The following CCSER2 variants were observed in gnomAD, a reference collection of about 807,000 sequenced individuals.
CCSER2 encodes serine-rich coiled-coil domain-containing protein 2.
Under a neutral mutation model 92.3 loss-of-function variants are expected in CCSER2, and 46 were observed. That is an observed-to-expected ratio of 0.50 (90% CI 0.39 to 0.64). The LOEUF (loss-of-function observed/expected upper bound fraction) is 0.64. Among genes scored for constraint, CCSER2 ranks in the 30% least tolerant of loss-of-function variants. The pLI is 0.00. For missense variants in CCSER2, 1,244 were observed against 1,238.9 expected (o/e 1.00, Z -0.06); for synonymous variants, 433 against 431.4 (o/e 1.00, Z -0.04).
At chr10:84,359,305 G>T (rs190866945) in intron 1 of CCSER2, among the ~76,000 whole-genome samples, 4 of 152,236 alleles carry the variant, frequency 2.6e-5, no homozygotes, top group African/African-American at 9.6e-5. Context: ...CATTGTATCT[G>T]GGGGAAACAG....
chr10:84,442,782 C>G (rs1469377668), intron 6 of CCSER2, among the ~76,000 whole-genome samples: 1 of 152,100 alleles, frequency 6.6e-6, no homozygotes, highest in East Asian at 1.9e-4. Flanking sequence ...GTGCTGGTAC[C>G]AAAACAGATA....
chr10:84,342,063 TC>T (rs1428029510), intron 1 of CCSER2, among the ~76,000 whole-genome samples: 5 of 150,974 alleles, frequency 3.3e-5, no homozygotes, highest in South Asian at 2.1e-4. Context: ...TCAGTCCCCT[TC>T]CCCCCCCTGG....
rs1849554405 is a variant in CCSER2, at chr10:84,515,147, C to A, written c.*880C>A. 1.3e-5 allele frequency: 2 copies of A among 152,442 alleles called. No homozygotes were observed. The highest frequency in any genetic ancestry group is 4.8e-5 in the African/African-American group (2 of 41,352). The allele number at this position is 152,442 out of a possible 1,614,324, so 9.4% of individuals were successfully genotyped here. A position where few individuals can be genotyped will look rare whatever the true frequency, so the allele number is the denominator to read the frequency against. On this transcript the variant is annotated 3_prime_UTR_variant, in exon 10 of 10. Transcript: ENST00000372088. ...CCTTAGGCTTGTGGATCCATGATAG[C>A]CATTTTAAGGTTCCACAGCATTATG...
rs559576685 is a variant in CCSER2 at position 84,407,384 on chromosome 10, C to T, written c.1615-10387C>T. ...TATTTACTTGTTTAATCTTTTCCAGCTTTATTTAGGTTGGCCTTCCTTTTT... is the reference window on the plus strand; with the variant it reads ...TATTTACTTGTTTAATCTTTTCCAGTTTTATTTAGGTTGGCCTTCCTTTTT... On this transcript the variant is annotated intron_variant, in intron 3 of 9. Coordinates refer to ENST00000372088, the MANE Select transcript of CCSER2 (RefSeq NM_001284240.2). Among the ~76,000 whole-genome samples the T allele has an allele frequency of 8.5e-5, 13 of 152,112 alleles. No individual in the cohort carries two copies. The South Asian group carries it at 2.5e-3, about 29-fold the overall frequency.
At chr10:84,383,241 T>C (rs1158660694) in intron 3 of CCSER2, among the ~76,000 whole-genome samples, 1 of 152,202 alleles carries the variant, frequency 6.6e-6, no homozygotes, top group Non-Finnish European at 1.5e-5. Context: ...TTTGTATCTG[T>C]GACATTTTAC....
intron 1 of CCSER2, among the ~76,000 whole-genome samples, chr10:84,331,462 A>G (rs1343057126): frequency 1.3e-5 from 2 of 152,230 alleles, no homozygotes; most frequent in Non-Finnish European, 2.9e-5. Flanking sequence ...ATGCCCCATA[A>G]CAAGTGGCTT....
At chr10:84,469,896 A>G (rs1846673940) in intron 7 of CCSER2, among the ~76,000 whole-genome samples, 1 of 151,958 alleles carries the variant, frequency 6.6e-6, no homozygotes, top group Admixed American at 6.6e-5. Flanking sequence ...CCAGCCATGA[A>G]ATGCCTCTGT....
intron 3 of CCSER2, among the ~76,000 whole-genome samples, chr10:84,401,025 A>G (rs1842091188): frequency 6.6e-6 from 1 of 152,178 alleles, no homozygotes; most frequent in Admixed American, 6.5e-5. Context: ...GAGAATGAAA[A>G]TATATTTTAT....
At chr10:84,398,210 C>T (rs576135727) in intron 3 of CCSER2, among the ~76,000 whole-genome samples, 26 of 152,288 alleles carry the variant, frequency 1.7e-4, no homozygotes, top group Admixed American at 4.6e-4. Flanking sequence ...CTTCCTCTGT[C>T]TTCAAACCGA....
At chr10:84,339,178 T>G (rs969698465) in intron 1 of CCSER2, among the ~76,000 whole-genome samples, 3 of 151,612 alleles carry the variant, frequency 2.0e-5, no homozygotes, top group Non-Finnish European at 4.4e-5. Flanking sequence ...TTAGGGGATC[T>G]GGAGTGCTCC....
At chr10:84,368,653 T>A (rs1845907897) in intron 1 of CCSER2, among the ~76,000 whole-genome samples, 2 of 152,176 alleles carry the variant, frequency 1.3e-5, no homozygotes, top group African/African-American at 4.8e-5. Context: ...CATGTATTTT[T>A]TTAAAAAAAT....
chr10:84,437,472 C>T (rs1396081713), intron 5 of CCSER2, among the ~76,000 whole-genome samples: 1 of 151,772 alleles, frequency 6.6e-6, no homozygotes, highest in Non-Finnish European at 1.5e-5. Context: ...CAAGATCGTA[C>T]CATTGCGCTC....
At chr10:84,387,747 C>T (rs1407919921) in intron 3 of CCSER2, among the ~76,000 whole-genome samples, 1 of 152,134 alleles carries the variant, frequency 6.6e-6, no homozygotes, top group Non-Finnish European at 1.5e-5. Flanking sequence ...CCAGGATGGT[C>T]TCGATCTCCT....
In CCSER2 at chr10:84,349,189, A is replaced by T. The variant is rs546411422; in HGVS notation, c.-40+20381A>T. Reference sequence around the variant, plus strand: ...GGCCTAAACACAATCATGGTGACTTAAAGTTGGATTCCTGTTTTGATCCAC... The same window carrying T: ...GGCCTAAACACAATCATGGTGACTTTAAGTTGGATTCCTGTTTTGATCCAC... On this transcript the variant is annotated intron_variant, in intron 1 of 9. Coordinates refer to ENST00000372088, the MANE Select transcript of CCSER2 (RefSeq NM_001284240.2). Among the ~76,000 whole-genome samples, 35 of 152,342 alleles carry T rather than the reference A, an allele frequency of 2.3e-4. No individual in the cohort carries two copies. The South Asian group carries it at 7.2e-3, about 32-fold the overall frequency.
chr10:84,477,334 A>G (rs544928160), intron 8 of CCSER2, among the ~76,000 whole-genome samples: 33 of 152,194 alleles, frequency 2.2e-4, no homozygotes, highest in Non-Finnish European at 4.4e-4. Context: ...CTGTGATAAC[A>G]TTTTTTCTTC....
intron 1 of CCSER2, among the ~76,000 whole-genome samples, chr10:84,344,099 A>G (rs1844351155): frequency 6.6e-6 from 1 of 152,224 alleles, no homozygotes; most frequent in Non-Finnish European, 1.5e-5. Flanking sequence ...CATAAGCACA[A>G]GCTGTTTAGT....
At chr10:84,454,313 G>A (rs768847430) in intron 6 of CCSER2, among the ~76,000 whole-genome samples, 3 of 152,032 alleles carry the variant, frequency 2.0e-5, no homozygotes, top group Non-Finnish European at 2.9e-5. Flanking sequence ...TTGGATTTAT[G>A]ACCCACCCTA....
chr10:84,480,278 C>T (rs1847384075), intron 9 of CCSER2, among the ~76,000 whole-genome samples: 1 of 152,076 alleles, frequency 6.6e-6, no homozygotes, highest in South Asian at 2.1e-4. Flanking sequence ...TTGCCTCAGC[C>T]TCCCCAAATG....
At chr10:84,356,101 CAAAAAA>C (rs57079136) in intron 1 of CCSER2, among the ~76,000 whole-genome samples, 4 of 84,070 alleles carry the variant, frequency 4.8e-5, no homozygotes, top group Admixed American at 1.3e-4. Context: ...GAAACTGTCT[CAAAAAA>C]AAAAAAAAAA....
Sources: allele counts gnomAD v4.1 joint callset (sites outside exome capture counted in the v4.1 genomes callset), GRCh38; gene constraint gnomAD v4.1.1; transcripts MANE v1.5; gene names NCBI Gene and HGNC (gene_info 2026-07-23, HGNC 2026-07-21).